Variants in PLA2G4F observed in about 807,000 individuals in gnomAD.
PLA2G4F encodes cytosolic phospholipase A2 zeta.
A neutral mutation model predicts 103.1 loss-of-function variants in PLA2G4F; 105 were observed. The observed-to-expected ratio is 1.02, with a 90% CI of 0.87 to 1.20. The LOEUF is 1.20. PLA2G4F is among the 50% of genes most tolerant of loss of function. The pLI, the probability that PLA2G4F is intolerant of heterozygous loss-of-function variation, is 0.00. For synonymous variants in PLA2G4F, 468 were observed against 441.1 expected (o/e 1.06, Z -0.76); for missense variants, 1,155 against 1,075.9 (o/e 1.07, Z -1.03).
At chr15:42,142,800 T>C (rs2048839171) in intron 18 of PLA2G4F, 86 bp from the exon 19 acceptor site, 23 of 1,380,766 alleles carry the variant, frequency 1.7e-5, no homozygotes, top group Non-Finnish European at 2.0e-5. Flanking sequence ...CAGGCTTCAA[T>C]GCCAGCTCTG....
intron 8 of PLA2G4F, 24 bp downstream of exon 8, chr15:42,150,584 C>T (rs769189458): frequency 1.1e-5 from 18 of 1,596,452 alleles, no homozygotes; most frequent in African/African-American, 5.4e-5. Flanking sequence ...TTGGATCTAC[C>T]GACCATCCTG....
chr15:42,149,917 C>T, intron 10 of PLA2G4F, 69 bp from the exon 11 acceptor site: 4 of 1,575,194 alleles, frequency 2.5e-6, no homozygotes, highest in Non-Finnish European at 3.5e-6. Flanking sequence ...GAGCCTTGGG[C>T]CCAGCCCAGG....
chr15:42,144,984 G>A (rs542689567), intron 16 of PLA2G4F, among the ~76,000 whole-genome samples: 1 of 152,328 alleles, frequency 6.6e-6, no homozygotes, highest in African/African-American at 2.4e-5. Flanking sequence ...CACTGCACTA[G>A]GCATGAGGGC....
chr15:42,154,072 G>C lies in PLA2G4F; in HGVS notation c.450+20C>G. ...CTCCCCTCCTCCAGCTGGGCTCTCC[G>C]CCAGCACTGGTGGGCTCACCTGGTG... On this transcript the variant is annotated intron_variant, in intron 4 of 19. Transcript: ENST00000397272. The C allele has an allele frequency of 6.2e-7, 1 of 1,613,902 alleles. No homozygotes were observed. The highest frequency in any genetic ancestry group is 1.1e-5 in the South Asian group (1 of 90,984).
In PLA2G4F at chr15:42,155,682, T is replaced by C. The variant is rs1595626451; in HGVS notation, c.112-93A>G. ...CTCGTCCCATCATGGAGCAGCAACC[T>C]GGCATAGGGTCACTGACGTCTCTGT... On this transcript the variant is annotated intron_variant, in intron 1 of 19. Transcript: ENST00000397272. The C allele has an allele frequency of 3.1e-6, 4 of 1,276,720 alleles. No homozygotes were observed. In the East Asian group the frequency reaches 9.5e-5, roughly 30 times the overall value. 79.1% of individuals were successfully genotyped at this position (1,276,720 alleles called of 1,614,324 possible). A position where few individuals can be genotyped will look rare whatever the true frequency, so the allele number is the denominator to read the frequency against.
At chr15:42,145,118 C>G (rs1430113261) in intron 16 of PLA2G4F, among the ~76,000 whole-genome samples, 2 of 152,164 alleles carry the variant, frequency 1.3e-5, no homozygotes, top group Non-Finnish European at 2.9e-5. Flanking sequence ...CAGGGATGTG[C>G]ACATGGTCCT....
Position 42,154,140 on chromosome 15 carries a change from G to C in PLA2G4F, c.402C>G (p.Ser134Arg), listed in dbSNP as rs748683820. 5.0e-6 allele frequency: 8 copies of C among 1,614,100 alleles called. No homozygotes were observed. Among genetic ancestry groups the C allele is most frequent in the East Asian group, 4.5e-5 (2 of 44,894 alleles). ...QLSLLLFDLR[S>R]LKCGQPHKHT... is the part of the protein sequence containing the mutation. ...GTTTGTGAGGTTGGCCACACTTGAG[G>C]CTTCTCAGGTCAAACAGGAGCAGAG... The change falls in exon 4 of 20, where the codon AGC becomes AGG. Residue 134 changes from serine (S) to arginine (R), a missense_variant. Physicochemically the swap from Ser to Arg is moderately radical, Grantham distance 110. Coordinates refer to ENST00000397272, the MANE Select transcript of PLA2G4F (RefSeq NM_213600.4).
intron 12 of PLA2G4F, 86 bp from the exon 13 acceptor site, chr15:42,147,432 C>T (rs1266743638): frequency 7.7e-6 from 11 of 1,426,426 alleles, no homozygotes; most frequent in Non-Finnish European, 1.1e-5. Flanking sequence ...TGGCCCTCCA[C>T]CCCCACCACT....
At chr15:42,150,975 G>A (rs1185480873) in intron 7 of PLA2G4F, 198 bp from the exon 8 acceptor site, 2 of 985,290 alleles carry the variant, frequency 2.0e-6, no homozygotes, top group Non-Finnish European at 2.4e-6. Flanking sequence ...AGCCTGCCCT[G>A]GTCAGAACTG....
chr15:42,150,232 G>C, intron 9 of PLA2G4F, 91 bp from the exon 10 acceptor site: 1 of 1,582,096 alleles, frequency 6.3e-7, no homozygotes, highest in Non-Finnish European at 8.7e-7. Context: ...GCTGCCCTGC[G>C]ATCTCTGGCC....
In PLA2G4F at chr15:42,139,970, TG is replaced by T. The variant is rs1266396769; in HGVS notation, c.*2013del. On this transcript the variant is annotated 3_prime_UTR_variant, in exon 20 of 20. Transcript: ENST00000397272. ...GCCTGCGGGGACAGACGCTGGCCTC[TG>T]CAACCCTGGGGCTGCTGATCACATA... 6.6e-6 allele frequency: 1 copy of T among 152,266 alleles called. No homozygotes were observed. The highest frequency in any genetic ancestry group is 1.5e-5 in the Non-Finnish European group (1 of 68,080). 9.4% of individuals were successfully genotyped at this position (152,266 alleles called of 1,614,324 possible). A position where few individuals can be genotyped will look rare whatever the true frequency, so the allele number is the denominator to read the frequency against.
intron 16 of PLA2G4F, among the ~76,000 whole-genome samples, chr15:42,145,078 G>C (rs1487164457): frequency 6.6e-6 from 1 of 152,202 alleles, no homozygotes; most frequent in Non-Finnish European, 1.5e-5. Context: ...GAGAATAAAT[G>C]ATGACAATGC....
chr15:42,144,610 C>G lies in PLA2G4F; in HGVS notation c.1815G>C (p.Ser605=). 2.5e-6 allele frequency: 4 copies of G among 1,608,690 alleles called. No individual in the cohort carries two copies. The highest frequency in any genetic ancestry group is 3.4e-6 in the Non-Finnish European group (4 of 1,176,916). Residue 605 remains serine (S), a synonymous_variant, in exon 17 of 20, where the codon TCG becomes TCC. Transcript: ENST00000397272. ...DCQKPQLHNP[S]RLRTRLLTPQ... ...GGGTGAGGAGCCTCGTTCGCAGCCT[C>G]GAGGGGTTGTGCAGCTGAGGCTTCT... is the stretch of plus-strand genomic sequence containing the variant.
chr15:42,142,218 A>G lies in PLA2G4F; in HGVS notation c.2330-14T>C. 6.2e-7 allele frequency: 1 copy of G among 1,601,706 alleles called. No individual in the cohort carries two copies. Among genetic ancestry groups the G allele is most frequent in the Non-Finnish European group, 8.5e-7 (1 of 1,172,714 alleles). ...GTCGCTCCACACCTGTGGGTGGGGG[A>G]AGCAGAGGAGAGGCCAGGATGGAGC... On this transcript the variant is annotated splice_polypyrimidine_tract_variant and intron_variant, in intron 19 of 19. Transcript: ENST00000397272.
chr15:42,143,790 T>G (rs2048849098), intron 18 of PLA2G4F, among the ~76,000 whole-genome samples, 188 bp downstream of exon 18: 2 of 152,146 alleles, frequency 1.3e-5, no homozygotes, highest in Admixed American at 1.3e-4. Flanking sequence ...CTGGGAGACC[T>G]GTGCTGCCAA....
chr15:42,147,571 AC>A, intron 12 of PLA2G4F, 54 bp downstream of exon 12: 1 of 1,590,788 alleles, frequency 6.3e-7, no homozygotes, highest in Non-Finnish European at 8.6e-7. Flanking sequence ...CCAGGTCACA[AC>A]CCCACACTTT....
chr15:42,142,622 C>G lies in PLA2G4F; in HGVS notation c.2235G>C (p.Glu745Asp). The change falls in exon 19 of 20, where the codon GAG becomes GAC. Residue 745 changes from glutamate (E) to aspartate (D), a missense_variant. This residue lies in a region of PLA2G4F where 782 missense variants were observed against 692.9 expected (regional missense o/e 1.13). Coordinates refer to ENST00000397272, the MANE Select transcript of PLA2G4F (RefSeq NM_213600.4). The stretch of plus-strand genomic sequence containing the variant: ...CCTCAGCCTTGGCAAACAGATAGCA[C>G]TCACGGGCCTCCTCCATGTCCTCAG... The part of the protein sequence containing the change: ...VGPEDMEEAR[E>D]CYLFAKAEDP... 1 of 1,614,098 alleles carries G rather than the reference C, an allele frequency of 6.2e-7. No homozygotes were observed. Among genetic ancestry groups the G allele is most frequent in the South Asian group, 1.1e-5 (1 of 91,072 alleles).
At chr15:42,148,808 T>C in intron 11 of PLA2G4F, 1 of 985,432 alleles carries the variant, frequency 1.0e-6, no homozygotes, top group Non-Finnish European at 1.2e-6. Context: ...TTCTTTTCCC[T>C]GTTCTCTTTT....
intron 2 of PLA2G4F, 35 bp from the exon 3 acceptor site, chr15:42,154,493 G>T (rs371989485): frequency 1.3e-6 from 2 of 1,518,624 alleles, no homozygotes; most frequent in Non-Finnish European, 8.8e-7. Flanking sequence ...GGGGCCTCAA[G>T]CTCTCATTGC....
Sources: allele counts gnomAD v4.1 joint callset (sites outside exome capture counted in the v4.1 genomes callset), GRCh38; gene constraint gnomAD v4.1.1; regional missense constraint gnomAD v4.1.1; transcripts MANE v1.5; gene names NCBI Gene and HGNC (gene_info 2026-07-23, HGNC 2026-07-21).